The following PDE11A variants were observed in gnomAD, a reference collection of about 807,000 sequenced individuals.
PDE11A encodes dual 3',5'-cyclic-AMP and -GMP phosphodiesterase 11A.
Under a neutral mutation model 100.5 loss-of-function variants are expected in PDE11A, and 100 were observed. The ratio of observed to expected loss-of-function variants is 1.00; its 90% confidence interval spans 0.85 to 1.18. PDE11A has a LOEUF of 1.18. PDE11A is among the 50% of genes most tolerant of loss of function. The probability of loss-of-function intolerance (pLI) is 0.00; values close to 1 mark genes in which losing one functional copy is unlikely to be tolerated. For synonymous variants in PDE11A, 381 were observed against 420.8 expected, an observed-to-expected ratio of 0.91 and a Z score of 1.16; for missense variants, 1,141 against 1,152.6, an observed-to-expected ratio of 0.99 and a Z score of 0.15.
At chr2:177,813,001 G>A (rs866119759) in intron 9 of PDE11A, among the ~76,000 whole-genome samples, 4 of 152,248 alleles carry the variant, frequency 2.6e-5, no homozygotes, top group African/African-American at 9.6e-5. Flanking sequence ...GAAACTAGGT[G>A]GGGACTTAAG....
chr2:178,017,231 TC>T (rs2086350020), intron 1 of PDE11A, among the ~76,000 whole-genome samples: 1 of 152,272 alleles, frequency 6.6e-6, no homozygotes, highest in Non-Finnish European at 1.5e-5. Flanking sequence ...GAGACATTTT[TC>T]CAAATATATA....
At position 177,909,126 on chromosome 2, in the gene PDE11A, A is replaced by T. The variant is rs186302027; in HGVS notation, c.1072-3939T>A. 1.2e-3 allele frequency among the ~76,000 whole-genome samples: 180 copies of T among 152,290 alleles called. 1 individual carries two copies. The highest frequency in any genetic ancestry group is 0.01 in the Middle Eastern group (3 of 294). ...TGTCACTTTCATGAAATTTTCTCAT[A>T]CAAATGTAACAAACTCCTTATATCA... On this transcript the variant is annotated intron_variant, in intron 2 of 19. Coordinates refer to ENST00000286063, the MANE Select transcript of PDE11A (RefSeq NM_016953.4).
At chr2:177,710,905 T>C (rs1164205067) in intron 13 of PDE11A, among the ~76,000 whole-genome samples, 1 of 152,238 alleles carries the variant, frequency 6.6e-6, no homozygotes, top group African/African-American at 2.4e-5. Context: ...AAATCAGTCA[T>C]CTGAAGTTAA....
At chr2:177,855,056 T>C (rs2083806912) in intron 5 of PDE11A, among the ~76,000 whole-genome samples, 1 of 152,162 alleles carries the variant, frequency 6.6e-6, no homozygotes, top group East Asian at 1.9e-4. Context: ...ATAAAGGTTT[T>C]CTTCATTTCC....
At chr2:178,074,676 G>A (rs748531629), upstream of PDE11A, among the ~76,000 whole-genome samples, 23 of 152,188 alleles carry the variant, frequency 1.5e-4, no homozygotes, top group Non-Finnish European at 1.3e-4. Context: ...GACAAAAGCT[G>A]TGCTTTTGAC....
At chr2:177,874,522 A>G (rs183970458) in intron 5 of PDE11A, among the ~76,000 whole-genome samples, 38 of 152,312 alleles carry the variant, frequency 2.5e-4, no homozygotes, top group Admixed American at 2.4e-3. Flanking sequence ...CACAGCTATT[A>G]TTCAAGGCAG....
intron 2 of PDE11A, among the ~76,000 whole-genome samples, chr2:177,989,376 T>G (rs2085976572): frequency 6.6e-6 from 1 of 152,176 alleles, no homozygotes; most frequent in African/African-American, 2.4e-5. Flanking sequence ...GAGTCAAATC[T>G]TTCTATCATA....
chr2:177,923,020 G>T (rs1465875538), intron 2 of PDE11A, among the ~76,000 whole-genome samples: 2 of 150,886 alleles, frequency 1.3e-5, no homozygotes, highest in African/African-American at 4.9e-5. Flanking sequence ...TTTTCGATTT[G>T]CTCTACCATT....
intron 2 of PDE11A, among the ~76,000 whole-genome samples, chr2:177,913,913 G>A (rs932703318): frequency 3.3e-5 from 5 of 152,044 alleles, no homozygotes; most frequent in African/African-American, 1.2e-4. Context: ...TAAGGTTGAA[G>A]AACATATGCT....
chr2:177,922,604 A>T, intron 2 of PDE11A: 1 of 805,240 alleles, frequency 1.2e-6, no homozygotes, highest in Non-Finnish European at 1.5e-6. Flanking sequence ...CATACCTGAC[A>T]TCACTGAGTC....
intron 2 of PDE11A, among the ~76,000 whole-genome samples, chr2:178,100,575 A>T (rs1171570747): frequency 6.6e-6 from 1 of 152,238 alleles, no homozygotes; most frequent in African/African-American, 2.4e-5. Context: ...TTAAAATCCT[A>T]GTGCAATTAA....
intron 1 of PDE11A, among the ~76,000 whole-genome samples, chr2:178,040,169 A>G (rs745760167): frequency 2.4e-4 from 36 of 148,080 alleles, no homozygotes; most frequent in Non-Finnish European, 4.6e-4. Flanking sequence ...GATTCAAGCT[A>G]TTCTTCTGCC....
rs1221024431 is a variant in PDE11A, at chr2:177,694,392, G to C, written c.2345+2940C>G. ...GGCAATAAAACATTAAAAGGATACA[G>C]ACTTTCCATAAATCCCAAATCAAGG... On this transcript the variant is annotated intron_variant, in intron 15 of 19. Coordinates refer to ENST00000286063, the MANE Select transcript of PDE11A (RefSeq NM_016953.4). 2.6e-5 allele frequency among the ~76,000 whole-genome samples: 4 copies of C among 152,240 alleles called. No individual in the cohort carries two copies. The East Asian group carries it at 5.8e-4, about 22-fold the overall frequency.
At chr2:177,927,469 C>A (rs2105760316) in intron 2 of PDE11A, among the ~76,000 whole-genome samples, 1 of 152,326 alleles carries the variant, frequency 6.6e-6, no homozygotes, top group East Asian at 1.9e-4. Context: ...ACAAAACTCT[C>A]ATTACACTCC....
Position 177,944,728 on chromosome 2 carries a change from G to A in PDE11A, c.1072-39541C>T, listed in dbSNP as rs971611900. On this transcript the variant is annotated intron_variant, in intron 2 of 19. Coordinates refer to ENST00000286063, the MANE Select transcript of PDE11A (RefSeq NM_016953.4). The stretch of plus-strand genomic sequence containing the variant: ...TCCTCCGAGAGACCGCCGAGGTGCG[G>A]GCTGTGAGAGAGGGAGCGTGGAGCC... 2.0e-5 allele frequency among the ~76,000 whole-genome samples: 3 copies of A among 152,048 alleles called. No homozygotes were observed. In the South Asian group the frequency reaches 6.3e-4, roughly 32 times the overall value.
At position 177,823,148 on chromosome 2, in the gene PDE11A, T is replaced by C. The variant is rs527323161; in HGVS notation, c.1501-2853A>G. On this transcript the variant is annotated intron_variant, in intron 6 of 19. Transcript: ENST00000286063. ...AGATGCAAAAACAAAAACGTAAGCA[T>C]AAATCATTCGTCCAGTGTACTCTTC... Among the ~76,000 whole-genome samples, 6 of 152,230 alleles carry C rather than the reference T, an allele frequency of 3.9e-5. No individual in the cohort carries two copies. The South Asian group carries it at 1.2e-3, about 32-fold the overall frequency.
intron 4 of PDE11A, among the ~76,000 whole-genome samples, chr2:177,893,319 T>C (rs555723740): frequency 1.3e-5 from 2 of 152,324 alleles, no homozygotes; most frequent in African/African-American, 4.8e-5. Context: ...TGATTGATTT[T>C]CGGAGGTGTT....
At chr2:177,929,938 G>C (rs943100272) in intron 2 of PDE11A, among the ~76,000 whole-genome samples, 2 of 152,092 alleles carry the variant, frequency 1.3e-5, no homozygotes, top group Non-Finnish European at 2.9e-5. Flanking sequence ...GGATAAATAT[G>C]ATTATAATAA....
chr2:177,716,504 G>A lies in PDE11A; in HGVS notation c.2044-4626C>T, dbSNP rs76363708. On this transcript the variant is annotated intron_variant, in intron 12 of 19. Transcript: ENST00000286063. ...TGAGTCCATGCAAGGCAGGATTTGT[G>A]TACATTTCTTTCTCTCCGTATTATT... Among the ~76,000 whole-genome samples, 344 of 152,218 alleles carry A rather than the reference G, an allele frequency of 2.3e-3. 1 individual carries two copies. Among genetic ancestry groups the A allele is most frequent in the African/African-American group, 7.9e-3 (327 of 41,532 alleles).
Sources: gnomAD v4.1 joint callset for allele counts (sites outside exome capture counted in the v4.1 genomes callset) on GRCh38, gnomAD v4.1.1 for gene constraint, MANE v1.5 for transcripts, NCBI Gene and HGNC (gene_info 2026-07-23, HGNC 2026-07-21) for gene names.